The following THBD variants were observed in gnomAD, a reference collection of about 807,000 sequenced individuals.
THBD encodes CD141 antigen.
For synonymous variants in THBD, 449 were observed against 374.2 expected, an observed-to-expected ratio of 1.20 and a Z score of -2.31; for missense variants, 850 against 816.9, an observed-to-expected ratio of 1.04 and a Z score of -0.49.
In THBD at chr20:23,047,694, C is replaced by T; in HGVS notation, c.*83G>A. The T allele has an allele frequency of 1.4e-6, 2 of 1,470,618 alleles. No individual in the cohort carries two copies. Among genetic ancestry groups the T allele is most frequent in the South Asian group, 2.5e-5 (2 of 80,596 alleles). 91.1% of individuals were successfully genotyped at this position (1,470,618 alleles called of 1,614,324 possible). ...GGGAGGGTCTTCTCCAGCTGTAATG[C>T]CAGCTAAGGTGCTTTGGTAGCAAAG... is the stretch of plus-strand genomic sequence containing the variant. On this transcript the variant is annotated 3_prime_UTR_variant, in exon 1 of 1. Transcript: ENST00000377103.
rs530378253 is a variant in THBD, at chr20:23,048,095, C to A, written c.1410G>T (p.Ser470=). 1.2e-6 allele frequency: 2 copies of A among 1,612,760 alleles called. No homozygotes were observed. The highest frequency in any genetic ancestry group is 3.3e-5 in the Admixed American group (2 of 59,954). Residue 470 remains serine, a synonymous_variant, in exon 1 of 1, where the codon TCG becomes TCT. Coordinates refer to ENST00000377103, the MANE Select transcript of THBD (RefSeq NM_000361.3). The part of the protein sequence containing the change: ...GTFECICGPD[S]ALARHIGTDC... ...CGGTGCCAATGTGGCGGGCAAGGGC[C>A]GAGTCGGGCCCGCAGATGCACTCGA...
In THBD at chr20:23,048,943, C is replaced by A; in HGVS notation, c.562G>T (p.Ala188Ser). The change falls in exon 1 of 1, where the codon GCC becomes TCC. Residue 188 changes from alanine to serine, a missense_variant. Transcript: ENST00000377103. ...GGGGTGCCGTAGGTGATCGAGACGG[C>A]GGCAGCCGCGGCGCCGGGCTCCACA... is the stretch of plus-strand genomic sequence containing the variant. ...LAVEPGAAAA[A>S]VSITYGTPFA... 6.5e-7 allele frequency: 1 copy of A among 1,541,222 alleles called. No individual in the cohort carries two copies. The highest frequency in any genetic ancestry group is 2.4e-5 in the East Asian group (1 of 41,110).
Position 23,049,152 on chromosome 20 carries a change from C to A in THBD, c.353G>T (p.Ser118Ile). ...GTCGAGCCGTGCCCACCTGCTATAGCTGGTGTTGTTGTCTCCCGTAACCCA... is the reference window on the plus strand; with the variant it reads ...GTCGAGCCGTGCCCACCTGCTATAGATGGTGTTGTTGTCTCCCGTAACCCA... ...FQWVTGDNNTSYSRWARLDLN... is the reference protein window; with the variant it reads ...FQWVTGDNNTIYSRWARLDLN... Residue 118 changes from serine (S) to isoleucine (I), a missense_variant, in exon 1 of 1, where the codon AGC becomes ATC. Physicochemically the swap from Ser to Ile is moderately radical, Grantham distance 142. Transcript: ENST00000377103. 6.3e-7 allele frequency: 1 copy of A among 1,587,298 alleles called. No individual in the cohort carries two copies. Among genetic ancestry groups the A allele is most frequent in the South Asian group, 1.1e-5 (1 of 87,104 alleles).
chr20:23,048,585 G>A lies in THBD; in HGVS notation c.920C>T (p.Ser307Leu), dbSNP rs372556297. Residue 307 changes from serine (S) to leucine (L), a missense_variant, in exon 1 of 1, where the codon TCG becomes TTG. By Grantham distance (145) the Ser-to-Leu change is moderately radical. Coordinates refer to ENST00000377103, the MANE Select transcript of THBD (RefSeq NM_000361.3). ...VPNPDQPGSY[S>L]CMCETGYRLA... ...CCGGTAGCCGGTCTCGCACATGCAC[G>A]AGTAGGAGCCCGGCTGGTCGGGGTT... The A allele has an allele frequency of 5.1e-5, 81 of 1,599,578 alleles. No individual in the cohort carries two copies. Among genetic ancestry groups the A allele is most frequent in the Non-Finnish European group, 6.8e-5 (80 of 1,179,740 alleles).
At position 23,049,052 on chromosome 20, in the gene THBD, C is replaced by A; in HGVS notation, c.453G>T (p.Pro151=). 1 of 1,566,804 alleles carries A rather than the reference C, an allele frequency of 6.4e-7. No individual in the cohort carries two copies. The highest frequency in any genetic ancestry group is 8.6e-7 in the Non-Finnish European group (1 of 1,157,292). ...SAAEATVPSE[P]IWEEQQCEVK... is the part of the protein sequence containing the mutation. ...CTTCGCACTGCTGCTCCTCCCAGAT[C>A]GGCTCGCTGGGCACAGTGGCCTCAG... The change falls in exon 1 of 1, where the codon CCG becomes CCT. Residue 151 remains proline (P), a synonymous_variant. Coordinates refer to ENST00000377103, the MANE Select transcript of THBD (RefSeq NM_000361.3).
Position 23,049,487 on chromosome 20 carries a change from G to T in THBD, c.18C>A (p.Val6=), listed in dbSNP as rs759875054. The part of the protein sequence containing the change: MLGVL[V]LGALALAGLG... ...GGCCGGCCAGGGCCAGCGCGCCAAG[G>T]ACCAGGACCCCAAGCATGTTACCCA... Residue 6 remains valine (V), a synonymous_variant, in exon 1 of 1, where the codon GTC becomes GTA. Coordinates refer to ENST00000377103, the MANE Select transcript of THBD (RefSeq NM_000361.3). 68 of 1,540,450 alleles carry T rather than the reference G, an allele frequency of 4.4e-5. No individual in the cohort carries two copies. The highest frequency in any genetic ancestry group is 5.9e-5 in the Non-Finnish European group (67 of 1,143,418).
rs1489536444 is a variant in THBD, at chr20:23,049,088, A to T, written c.417T>A (p.Ala139=). ...GCACAGTGGCCTCAGCAGCGGAGAC[A>T]GCGACGCACAACGGGCCGCAGAGGG... ...GAPLCGPLCV[A]VSAAEATVPS... Residue 139 remains alanine (A), a synonymous_variant, in exon 1 of 1, where the codon GCT becomes GCA. Transcript: ENST00000377103. 1 of 1,582,510 alleles carries T rather than the reference A, an allele frequency of 6.3e-7. No individual in the cohort carries two copies. The highest frequency in any genetic ancestry group is 2.3e-5 in the East Asian group (1 of 43,496).
chr20:23,047,444 C>T lies in THBD; in HGVS notation c.*333G>A, dbSNP rs1984597991. 1 of 422,482 alleles carries T rather than the reference C, an allele frequency of 2.4e-6. No homozygotes were observed. The highest frequency in any genetic ancestry group is 4.2e-6 in the Non-Finnish European group (1 of 237,044). The allele number at this position is 422,482 out of a possible 1,614,324, so 26.2% of individuals were successfully genotyped here. On this transcript the variant is annotated 3_prime_UTR_variant, in exon 1 of 1. Coordinates refer to ENST00000377103, the MANE Select transcript of THBD (RefSeq NM_000361.3). ...AAATATTTTAGTCATCCCTAGCCCA[C>T]GAGGTCAAGGTCTGCCCAGAAGGCT...
chr20:23,047,695 C>T lies in THBD; in HGVS notation c.*82G>A, dbSNP rs1984606754. 6.7e-7 allele frequency: 1 copy of T among 1,490,890 alleles called. No homozygotes were observed. Among genetic ancestry groups the T allele is most frequent in the African/African-American group, 1.4e-5 (1 of 71,718 alleles). 92.4% of individuals were successfully genotyped at this position (1,490,890 alleles called of 1,614,324 possible). On this transcript the variant is annotated 3_prime_UTR_variant, in exon 1 of 1. Transcript: ENST00000377103. ...GGAGGGTCTTCTCCAGCTGTAATGC[C>T]AGCTAAGGTGCTTTGGTAGCAAAGC... is the stretch of plus-strand genomic sequence containing the variant.
chr20:23,049,207 TG>T lies in THBD; in HGVS notation c.297del (p.Lys100SerfsTer61). The T allele has an allele frequency of 3.2e-6, 5 of 1,560,400 alleles. No homozygotes were observed. The highest frequency in any genetic ancestry group is 4.3e-6 in the Non-Finnish European group (5 of 1,152,238). ...AAGCCGCGCAGGGGCCCGAGGCGCT[TG>T]GGGTCGCCGCAGCCGGGTGGCAGCT... ...GLQLPPGCGD[P>X]KRLGPLRGFQ... On this transcript the variant is annotated frameshift_variant, in exon 1 of 1. Transcript: ENST00000377103. LOFTEE classifies it low-confidence loss of function (END_TRUNC).
At position 23,048,798 on chromosome 20, in the gene THBD, G is replaced by C. The variant is rs758686992; in HGVS notation, c.707C>G (p.Ala236Gly). 4.5e-5 allele frequency: 69 copies of C among 1,537,740 alleles called. No homozygotes were observed. In the African/African-American group the frequency reaches 8.5e-4, roughly 19 times the overall value. Residue 236 changes from alanine (A) to glycine (G), a missense_variant, in exon 1 of 1, where the codon GCC becomes GGC. Ala to Gly is a moderately conservative substitution (Grantham distance 60). Transcript: ENST00000377103. ...APPGAVQGHW[A>G]REAPGAWDCS... ...GTCCCAAGCGCCCGGCGCCTCCCTG[G>C]CCCAGTGCCCCTGGACCGCTCCGGG...
Position 23,048,597 on chromosome 20 carries a change from G to T in THBD, c.908C>A (p.Pro303Gln), listed in dbSNP as rs1984645535. 6.3e-7 allele frequency: 1 copy of T among 1,598,836 alleles called. No homozygotes were observed. The highest frequency in any genetic ancestry group is 2.2e-5 in the East Asian group (1 of 44,836). Residue 303 changes from proline (P) to glutamine (Q), a missense_variant, in exon 1 of 1, where the codon CCG becomes CAG. Pro to Gln is a moderately conservative substitution (Grantham distance 76). Coordinates refer to ENST00000377103, the MANE Select transcript of THBD (RefSeq NM_000361.3). ...EHFCVPNPDQ[P>Q]GSYSCMCETG... ...CTCGCACATGCACGAGTAGGAGCCC[G>T]GCTGGTCGGGGTTGGGAACGCAGAA...
At position 23,047,874 on chromosome 20, in the gene THBD, C is replaced by T; in HGVS notation, c.1631G>A (p.Gly544Asp). Residue 544 changes from glycine (G) to aspartate (D), a missense_variant, in exon 1 of 1, where the codon GGC (glycine) becomes GAC (aspartate). By Grantham distance (94) the Gly-to-Asp change is moderately conservative (BLOSUM62 -1). Transcript: ENST00000377103. ...ALLCHLRKKQGAARAKMEYKC... is the reference protein window; with the variant it reads ...ALLCHLRKKQDAARAKMEYKC... ...GTACTCCATCTTGGCCCTGGCGGCG[C>T]CCTGCTTCTTGCGCAGGTGGCAGAG... is the stretch of plus-strand genomic sequence containing the variant. 1.2e-6 allele frequency: 2 copies of T among 1,603,538 alleles called. No individual in the cohort carries two copies. The highest frequency in any genetic ancestry group is 1.7e-6 in the Non-Finnish European group (2 of 1,175,432).
Position 23,046,755 on chromosome 20 carries a change from G to A in THBD, c.*1022C>T, listed in dbSNP as rs766785219. On this transcript the variant is annotated 3_prime_UTR_variant, in exon 1 of 1. Transcript: ENST00000377103. ...TTGAAGCTTTCTTGAACTGTCTCCT[G>A]GGAGGTGTTTGTCTCTTCTCTCAAT... 6.6e-6 allele frequency: 1 copy of A among 152,220 alleles called. No individual in the cohort carries two copies. The highest frequency in any genetic ancestry group is 1.5e-5 in the Non-Finnish European group (1 of 68,036). 9.4% of individuals were successfully genotyped at this position (152,220 alleles called of 1,614,324 possible). A position where few individuals can be genotyped will look rare whatever the true frequency, so the allele number is the denominator to read the frequency against.
Position 23,048,036 on chromosome 20 carries a change from C to G in THBD, c.1469G>C (p.Ser490Thr). 1 of 1,611,392 alleles carries G rather than the reference C, an allele frequency of 6.2e-7. No individual in the cohort carries two copies. Among genetic ancestry groups the G allele is most frequent in the Non-Finnish European group, 8.5e-7 (1 of 1,179,040 alleles). The change falls in exon 1 of 1, where the codon AGC becomes ACC. Residue 490 changes from serine (S) to threonine (T), a missense_variant. Physicochemically the swap from Ser to Thr is moderately conservative, Grantham distance 58. Transcript: ENST00000377103. ...CDSGKVDGGD[S>T]GSGEPPPSPT... is the part of the protein sequence containing the mutation. ...GCTGGGCGGGGGCTCGCCAGAGCCG[C>G]TGTCGCCACCGTCCACCTTGCCGGA...
rs1282237555 is a variant in THBD, at chr20:23,049,181, G to A, written c.324C>T (p.Phe108=). The change falls in exon 1 of 1, where the codon TTC becomes TTT. Residue 108 remains phenylalanine, a synonymous_variant. Transcript: ENST00000377103. The part of the protein sequence containing the change: ...DPKRLGPLRG[F]QWVTGDNNTS... Reference sequence around the variant, plus strand: ...TGTTGTTGTCTCCCGTAACCCACTGGAAGCCGCGCAGGGGCCCGAGGCGCT... The same window carrying A: ...TGTTGTTGTCTCCCGTAACCCACTGAAAGCCGCGCAGGGGCCCGAGGCGCT... The A allele has an allele frequency of 6.4e-7, 1 of 1,573,772 alleles. No individual in the cohort carries two copies. The highest frequency in any genetic ancestry group is 1.2e-5 in the South Asian group (1 of 86,204).
rs1277143002 is a variant in THBD at position 23,048,316 on chromosome 20, T to C, written c.1189A>G (p.Ile397Val). The C allele has an allele frequency of 1.9e-6, 3 of 1,613,800 alleles. No individual in the cohort carries two copies. Among genetic ancestry groups the C allele is most frequent in the African/African-American group, 1.3e-5 (1 of 75,032 alleles). Residue 397 changes from isoleucine to valine, a missense_variant, in exon 1 of 1, where the codon ATT becomes GTT. By Grantham distance (29) the Ile-to-Val change is conservative. Transcript: ENST00000377103. ...TGGCACCTGTGCGGCTCGTGGGGAA[T>C]GGGCGCGAAGCCCTCGGCGCAGACG... The part of the protein sequence containing the change: ...LCVCAEGFAP[I>V]PHEPHRCQMF...
rs576345574 is a variant in THBD at position 23,047,736 on chromosome 20, A to ACAGGCTCCTGGACGGAGC, written c.*23_*40dup. 16 of 1,540,050 alleles carry ACAGGCTCCTGGACGGAGC rather than the reference A, an allele frequency of 1.0e-5. No individual in the cohort carries two copies. The highest frequency in any genetic ancestry group is 7.3e-5 in the East Asian group (3 of 41,350). The stretch of plus-strand genomic sequence containing the variant: ...GTAGCAAAGCTGGGGGTGAGGAGGC[A>ACAGGCTCCTGGACGGAGC]CAGGCTCCTGGACGGAGCCAGGCTC... On this transcript the variant is annotated 3_prime_UTR_variant, in exon 1 of 1. Transcript: ENST00000377103.
Position 23,049,101 on chromosome 20 carries a change from G to A in THBD, c.404C>T (p.Pro135Leu). 1.9e-6 allele frequency: 3 copies of A among 1,587,504 alleles called. No individual in the cohort carries two copies. The highest frequency in any genetic ancestry group is 2.6e-6 in the Non-Finnish European group (3 of 1,168,652). Residue 135 changes from proline to leucine, a missense_variant, in exon 1 of 1, where the codon CCG (proline) becomes CTG (leucine). Physicochemically the swap from Pro to Leu is moderately conservative, Grantham distance 98 (BLOSUM62 -3). Transcript: ENST00000377103. Reference protein sequence around the residue: ...LDLNGAPLCGPLCVAVSAAEA... With the variant: ...LDLNGAPLCGLLCVAVSAAEA... ...AGCAGCGGAGACAGCGACGCACAAC[G>A]GGCCGCAGAGGGGAGCCCCATTGAG...
Sources: gnomAD v4.1 joint callset for allele counts on GRCh38, gnomAD v4.1.1 for gene constraint, MANE v1.5 for transcripts, NCBI Gene and HGNC (gene_info 2026-07-23, HGNC 2026-07-21) for gene names.